KCNQ1: variants seen among roughly 807,000 people sequenced by gnomAD.
The protein encoded by KCNQ1 is potassium voltage-gated channel subfamily Q member 1.
KCNQ1 carries 49 observed loss-of-function variants against 72.4 expected under a neutral mutation model. The ratio of observed to expected loss-of-function variants is 0.68; its 90% CI spans 0.54 to 0.86. KCNQ1 has a LOEUF of 0.86. Ranked by LOEUF, KCNQ1 falls within the 40% of genes least tolerant of loss-of-function variation. KCNQ1 has a pLI of 0.00. For missense variants in KCNQ1, 790 were observed against 945.1 expected, an observed-to-expected ratio of 0.84 and a Z score of 2.15; for synonymous variants, 450 against 412.6, an observed-to-expected ratio of 1.09 and a Z score of -1.10.
chr11:2,671,063 G>A lies in KCNQ1; in HGVS notation c.1514+8982G>A. On this transcript the variant is annotated intron_variant, in intron 11 of 15. Transcript: ENST00000155840. The surrounding 1 kb of genome is among the most constrained non-coding windows in gnomAD (Gnocchi z 4.7). ...GGCTGTATCTGAGGCACACATCCTT[G>A]GTAGTGACTGGCTAGCAGGAGGAAG... 1 of 398,674 alleles carries A rather than the reference G, an allele frequency of 2.5e-6. No homozygotes were observed. Among genetic ancestry groups the A allele is most frequent in the South Asian group, 1.3e-4 (1 of 7,848 alleles). 24.7% of individuals were successfully genotyped at this position (398,674 alleles called of 1,614,324 possible). A position where few individuals can be genotyped will look rare whatever the true frequency, so the allele number is the denominator to read the frequency against.
At chr11:2,756,478 A>G (rs1846300600) in intron 11 of KCNQ1, among the ~76,000 whole-genome samples, 1 of 151,766 alleles carries the variant, frequency 6.6e-6, no homozygotes, top group South Asian at 2.1e-4. Context: ...TGGGACACAT[A>G]TAGTTTCAAT....
chr11:2,741,443 G>T (rs748744182), intron 11 of KCNQ1, among the ~76,000 whole-genome samples: 1 of 152,162 alleles, frequency 6.6e-6, no homozygotes, highest in African/African-American at 2.4e-5. Context: ...GGCTGCACAC[G>T]TGTACGCACA....
rs926213128 is a variant in KCNQ1, at chr11:2,477,645, T to C, written c.386+32161T>C. Among the ~76,000 whole-genome samples, 2 of 151,604 alleles carry C rather than the reference T, an allele frequency of 1.3e-5. No homozygotes were observed. The highest frequency in any genetic ancestry group is 4.9e-5 in the African/African-American group (2 of 41,232). ...TAGGCACAGTAGTTCATGCCTGTAA[T>C]CCCACCACTTTGGGAGGCTAAGGTG... On this transcript the variant is annotated intron_variant, in intron 1 of 15. Transcript: ENST00000155840. This position sits in a 1 kb window ranked among gnomAD's most constrained non-coding sequence, Gnocchi z 5.0.
At chr11:2,466,686 G>A (rs930513370) in intron 1 of KCNQ1, among the ~76,000 whole-genome samples, 2 of 152,210 alleles carry the variant, frequency 1.3e-5, no homozygotes, top group African/African-American at 2.4e-5. Flanking sequence ...CAGATATGCT[G>A]GCCAGCCTTG....
At chr11:2,821,239 C>T (rs1228473059) in intron 15 of KCNQ1, among the ~76,000 whole-genome samples, 2 of 152,244 alleles carry the variant, frequency 1.3e-5, no homozygotes, top group Non-Finnish European at 2.9e-5. Context: ...GTTTCCTCGC[C>T]TCTCAGCTGT....
Position 2,698,872 on chromosome 11 carries a change from C to T in KCNQ1, c.1514+36791C>T. The T allele has an allele frequency of 2.5e-6, 1 of 398,750 alleles. No homozygotes were observed. The highest frequency in any genetic ancestry group is 6.3e-4 in the Middle Eastern group (1 of 1,590). The allele number at this position is 398,750 out of a possible 1,614,324, so 24.7% of individuals were successfully genotyped here. ...ACTCCAGACCCGGACTGACTGGGAC[C>T]CCAACTACTCAGATCCCAACTCAGG... On this transcript the variant is annotated intron_variant, in intron 11 of 15. Transcript: ENST00000155840. The surrounding 1 kb of genome is among the most constrained non-coding windows in gnomAD (Gnocchi z 5.1).
Position 2,698,846 on chromosome 11 carries a change from G to T in KCNQ1, c.1514+36765G>T. 1 of 398,720 alleles carries T rather than the reference G, an allele frequency of 2.5e-6. No homozygotes were observed. Among genetic ancestry groups the T allele is most frequent in the Non-Finnish European group, 4.4e-6 (1 of 226,206 alleles). 24.7% of individuals were successfully genotyped at this position (398,720 alleles called of 1,614,324 possible). A position where few individuals can be genotyped will look rare whatever the true frequency, so the allele number is the denominator to read the frequency against. ...AGGCCCTACCTAAAACCACCATGCG[G>T]ACTCCAGACCCGGACTGACTGGGAC... On this transcript the variant is annotated intron_variant, in intron 11 of 15. Transcript: ENST00000155840. The surrounding 1 kb of genome is among the most constrained non-coding windows in gnomAD (Gnocchi z 5.1).
chr11:2,799,496 G>C (rs888022197), intron 15 of KCNQ1, among the ~76,000 whole-genome samples: 3 of 151,762 alleles, frequency 2.0e-5, no homozygotes, highest in Non-Finnish European at 4.4e-5. Context: ...TGTGTGTTTT[G>C]TTGTATGTGG....
chr11:2,631,767 G>A (rs1428185591), intron 10 of KCNQ1: 15 of 398,508 alleles, frequency 3.8e-5, no homozygotes, highest in Non-Finnish European at 1.3e-5. Flanking sequence ...CATCAGCTGA[G>A]GTCAGCAGTG....
intron 15 of KCNQ1, among the ~76,000 whole-genome samples, chr11:2,844,692 CCACT>C (rs1013574186): frequency 2.0e-5 from 3 of 152,230 alleles, no homozygotes; most frequent in Non-Finnish European, 4.4e-5. Flanking sequence ...GCCCTGACAC[CCACT>C]GTCTCTTTCT....
In KCNQ1 at chr11:2,620,221, T is replaced by TTA. The variant is rs1554898346; in HGVS notation, c.1393+31368_1393+31369insAT. On this transcript the variant is annotated intron_variant, in intron 10 of 15. Coordinates refer to ENST00000155840, the MANE Select transcript of KCNQ1 (RefSeq NM_000218.3). This position sits in a 1 kb window ranked among gnomAD's most constrained non-coding sequence, Gnocchi z 4.5. ...CATGTATATATATATATTTTTTTTT[T>TTA]TTATTTTTTTTTTAGACGGAGTTTC... 3.1e-3 allele frequency: 862 copies of TTA among 280,180 alleles called. 7 individuals are homozygous for TTA. The highest frequency in any genetic ancestry group is 0.017 in the African/African-American group (745 of 44,520). The allele number at this position is 280,180 out of a possible 1,614,324, so 17.4% of individuals were successfully genotyped here.
At position 2,613,382 on chromosome 11, in the gene KCNQ1, T is replaced by C. The variant is rs1445077513; in HGVS notation, c.1393+24528T>C. 2.5e-6 allele frequency: 1 copy of C among 398,466 alleles called. No homozygotes were observed. Among genetic ancestry groups the C allele is most frequent in the Non-Finnish European group, 4.4e-6 (1 of 226,062 alleles). 24.7% of individuals were successfully genotyped at this position (398,466 alleles called of 1,614,324 possible). Reference sequence around the variant, plus strand: ...AACATTAGGTTGCTGTGATGTGGGTTGCCTCCAATTATTTGCCACTGAAAT... The same window carrying C: ...AACATTAGGTTGCTGTGATGTGGGTCGCCTCCAATTATTTGCCACTGAAAT... On this transcript the variant is annotated intron_variant, in intron 10 of 15. Coordinates refer to ENST00000155840, the MANE Select transcript of KCNQ1 (RefSeq NM_000218.3). This position sits in a 1 kb window ranked among gnomAD's most constrained non-coding sequence, Gnocchi z 4.8.
At chr11:2,778,560 G>A (rs1478868090) in intron 15 of KCNQ1, among the ~76,000 whole-genome samples, 1 of 152,178 alleles carries the variant, frequency 6.6e-6, no homozygotes, top group Non-Finnish European at 1.5e-5. Context: ...TCCCCACCAG[G>A]CTCTGTGCCC....
chr11:2,765,919 G>A (rs752027165), intron 11 of KCNQ1, among the ~76,000 whole-genome samples: 91 of 152,050 alleles, frequency 6.0e-4, no homozygotes, highest in Non-Finnish European at 1.2e-3. Flanking sequence ...TATAATGTAT[G>A]CAATCTACCA....
chr11:2,613,053 T>A lies in KCNQ1; in HGVS notation c.1393+24199T>A. The A allele has an allele frequency of 2.5e-6, 1 of 398,634 alleles. No homozygotes were observed. Among genetic ancestry groups the A allele is most frequent in the Non-Finnish European group, 4.4e-6 (1 of 226,066 alleles). 24.7% of individuals were successfully genotyped at this position (398,634 alleles called of 1,614,324 possible). A position where few individuals can be genotyped will look rare whatever the true frequency, so the allele number is the denominator to read the frequency against. Reference sequence around the variant, plus strand: ...AGCCTGGCTTCATTGGTGTCACCCCTGGATCAGCATAACCTAGTGGTCAAG... The same window carrying A: ...AGCCTGGCTTCATTGGTGTCACCCCAGGATCAGCATAACCTAGTGGTCAAG... On this transcript the variant is annotated intron_variant, in intron 10 of 15. Coordinates refer to ENST00000155840, the MANE Select transcript of KCNQ1 (RefSeq NM_000218.3). The surrounding 1 kb of genome is among the most constrained non-coding windows in gnomAD (Gnocchi z 4.8).
intron 15 of KCNQ1, among the ~76,000 whole-genome samples, chr11:2,795,512 T>C (rs562175563): frequency 1.2e-4 from 19 of 152,196 alleles, no homozygotes; most frequent in East Asian, 3.9e-4. Flanking sequence ...GGGCCCAGAG[T>C]GGGCCCCACG....
chr11:2,815,430 G>A lies in KCNQ1; in HGVS notation c.1795-32337G>A, dbSNP rs1222533667. ...GCCCACAGGGTAGTTCTGAGTTCGG[G>A]GGACCCTCTCCTGGCCCTGTGGGGT... On this transcript the variant is annotated intron_variant, in intron 15 of 15. Transcript: ENST00000155840. This position sits in a 1 kb window ranked among gnomAD's most constrained non-coding sequence, Gnocchi z 5.4. 6.6e-6 allele frequency among the ~76,000 whole-genome samples: 1 copy of A among 152,090 alleles called. No homozygotes were observed. Among genetic ancestry groups the A allele is most frequent in the Non-Finnish European group, 1.5e-5 (1 of 67,996 alleles).
chr11:2,728,641 GCCT>G (rs1845803917), intron 11 of KCNQ1, among the ~76,000 whole-genome samples: 2 of 152,226 alleles, frequency 1.3e-5, no homozygotes, highest in African/African-American at 4.8e-5. Flanking sequence ...CCAGAAGCTG[GCCT>G]ACAGGACGGA....
chr11:2,822,838 G>C (rs916360700), intron 15 of KCNQ1, among the ~76,000 whole-genome samples: 7 of 152,232 alleles, frequency 4.6e-5, no homozygotes, highest in African/African-American at 1.7e-4. Context: ...ATTCAGAACG[G>C]TGGCATAGGC....
Sources: gnomAD v4.1 joint callset for allele counts (sites outside exome capture counted in the v4.1 genomes callset) on GRCh38, gnomAD v4.1.1 for gene constraint, Gnocchi (gnomAD v3.1) non-coding constraint, MANE v1.5 for transcripts, NCBI Gene and HGNC (gene_info 2026-07-23, HGNC 2026-07-21) for gene names.